Variants in MCHR2 observed in about 807,000 individuals in gnomAD.
MCHR2 encodes melanin-concentrating hormone receptor 2.
In MCHR2, 15 loss-of-function variants were observed where a neutral mutation model predicts 24.8. The ratio of observed to expected loss-of-function variants is 0.60; its 90% confidence interval spans 0.40 to 0.93. The LOEUF (loss-of-function observed/expected upper bound fraction) is 0.93, where lower values mean the gene tolerates loss of function less well. MCHR2 is among the 40% of genes least tolerant of loss of function. MCHR2 has a pLI of 0.00. For missense variants in MCHR2, 386 were observed against 408.7 expected (o/e 0.94, Z 0.48); for synonymous variants, 151 against 147.6 (o/e 1.02, Z -0.17).
At chr6:99,973,141 C>A (rs1231537454) in intron 1 of MCHR2, among the ~76,000 whole-genome samples, 4 of 151,794 alleles carry the variant, frequency 2.6e-5, no homozygotes, top group African/African-American at 4.8e-5. Context: ...TCTCGTTGAT[C>A]TGTCTAATGT....
At chr6:99,987,453 C>A (rs767168001) in intron 1 of MCHR2, among the ~76,000 whole-genome samples, 3 of 152,142 alleles carry the variant, frequency 2.0e-5, no homozygotes, top group Non-Finnish European at 1.5e-5. Flanking sequence ...AATCCCCACC[C>A]TTGCTTTAGG....
intron 1 of MCHR2, among the ~76,000 whole-genome samples, chr6:99,986,600 A>G (rs1002648893): frequency 8.5e-5 from 13 of 152,316 alleles, no homozygotes; most frequent in African/African-American, 2.6e-4. Flanking sequence ...ATTCTCACTT[A>G]TAAGTGGGAG....
chr6:99,938,359 C>T (rs2114514236), intron 4 of MCHR2, among the ~76,000 whole-genome samples: 1 of 152,012 alleles, frequency 6.6e-6, no homozygotes, highest in African/African-American at 2.4e-5. Flanking sequence ...GTTAGTACTG[C>T]TTCTGCTATA....
chr6:99,976,302 T>C (rs1268679674), intron 1 of MCHR2, among the ~76,000 whole-genome samples: 1 of 152,228 alleles, frequency 6.6e-6, no homozygotes, highest in Non-Finnish European at 1.5e-5. Flanking sequence ...TCAGAATCTA[T>C]AGCCTTAGGA....
At chr6:99,923,164 CT>C (rs968317747) in intron 5 of MCHR2, among the ~76,000 whole-genome samples, 2 of 151,874 alleles carry the variant, frequency 1.3e-5, no homozygotes, top group African/African-American at 2.4e-5. Flanking sequence ...AATGGGCTTA[CT>C]TTTTTATTTC....
chr6:99,956,260 C>T (rs1052677221), intron 1 of MCHR2, 86 bp from the exon 2 acceptor site: 15 of 1,004,032 alleles, frequency 1.5e-5, no homozygotes, highest in Admixed American at 2.7e-5. Context: ...TTTTTTGGAA[C>T]CTCTTTTTTA....
intron 1 of MCHR2, among the ~76,000 whole-genome samples, chr6:99,967,126 A>G (rs1775309251): frequency 6.6e-6 from 1 of 151,822 alleles, no homozygotes. Context: ...GGTCTTAAAC[A>G]GTTAAGTCTT....
Position 99,938,337 on chromosome 6 carries a change from G to A in MCHR2, c.588-3820C>T, listed in dbSNP as rs888738792. 8.6e-5 allele frequency among the ~76,000 whole-genome samples: 13 copies of A among 151,942 alleles called. 1 individual carries two copies. The East Asian group carries it at 2.3e-3, about 27-fold the overall frequency. On this transcript the variant is annotated intron_variant, in intron 4 of 5. Transcript: ENST00000281806. ...TTTTTTGATATAGGCATTTATAACTGTAAAATTCCTTGTTAGTACTGCTTC... is the reference window on the plus strand; with the variant it reads ...TTTTTTGATATAGGCATTTATAACTATAAAATTCCTTGTTAGTACTGCTTC...
intron 1 of MCHR2, among the ~76,000 whole-genome samples, chr6:99,980,662 C>T (rs7746181): frequency 1.3e-5 from 2 of 151,984 alleles, no homozygotes; most frequent in South Asian, 2.1e-4. Context: ...ACCTTTCCAA[C>T]GACTAGATAC....
rs1774192769 is a variant in MCHR2 at position 99,920,080 on chromosome 6, T to C, written c.*860A>G. 1 of 152,206 alleles carries C rather than the reference T, an allele frequency of 6.6e-6. No individual in the cohort carries two copies. The highest frequency in any genetic ancestry group is 1.5e-5 in the Non-Finnish European group (1 of 68,036). The allele number at this position is 152,206 out of a possible 1,614,324, so 9.4% of individuals were successfully genotyped here. ...CAGAAGTAAAGTATTATTATTAAAG[T>C]GCAGATGCCAGTTTCTACAGTTAGC... On this transcript the variant is annotated 3_prime_UTR_variant, in exon 6 of 6. Transcript: ENST00000281806.
intron 1 of MCHR2, among the ~76,000 whole-genome samples, chr6:99,977,915 C>A (rs1775584048): frequency 6.6e-6 from 1 of 152,128 alleles, no homozygotes; most frequent in African/African-American, 2.4e-5. Context: ...CAATCTTGGA[C>A]CATATCACTG....
At chr6:99,972,419 AT>A (rs1245220413) in intron 1 of MCHR2, among the ~76,000 whole-genome samples, 1 of 151,988 alleles carries the variant, frequency 6.6e-6, no homozygotes, top group African/African-American at 2.4e-5. Context: ...CCCCTTTATC[AT>A]TTTTTATTGC....
intron 1 of MCHR2, among the ~76,000 whole-genome samples, chr6:99,961,146 T>G (rs9389909): frequency 0.33 from 50,102 of 150,634 alleles, 8,693 homozygotes; most frequent in Admixed American, 0.43. Flanking sequence ...AACAACCCCA[T>G]CAAAAAGTGG....
rs567501256 is a variant in MCHR2 at position 99,942,383 on chromosome 6, C to T, written c.587+566G>A. Among the ~76,000 whole-genome samples the T allele has an allele frequency of 4.5e-4, 68 of 152,296 alleles. 1 individual carries two copies. The highest frequency in any genetic ancestry group is 3.4e-3 in the Middle Eastern group (1 of 294). ...ACTCCAATCTCCGCCTCTGTCTTCA[C>T]CTGTATTCTCTTTTCTGTGTGTCTC... On this transcript the variant is annotated intron_variant, in intron 4 of 5. Coordinates refer to ENST00000281806, the MANE Select transcript of MCHR2 (RefSeq NM_001040179.2).
At chr6:99,937,632 A>C (rs921203899) in intron 4 of MCHR2, among the ~76,000 whole-genome samples, 1 of 151,772 alleles carries the variant, frequency 6.6e-6, no homozygotes, top group Non-Finnish European at 1.5e-5. Context: ...GGATTTTTGC[A>C]TCTATGCTCA....
intron 5 of MCHR2, among the ~76,000 whole-genome samples, chr6:99,926,297 G>GAAACA (rs1774356462): frequency 6.6e-6 from 1 of 152,008 alleles, no homozygotes; most frequent in Non-Finnish European, 1.5e-5. Context: ...ATAAACATAC[G>GAAACA]TATGCATGTG....
chr6:99,939,336 T>A (rs1195865545), intron 4 of MCHR2, among the ~76,000 whole-genome samples: 3 of 152,148 alleles, frequency 2.0e-5, no homozygotes, highest in African/African-American at 7.2e-5. Context: ...TTTTTATTTT[T>A]AAAATCTATT....
chr6:99,957,719 C>A (rs1243880196), intron 1 of MCHR2, among the ~76,000 whole-genome samples: 1 of 150,482 alleles, frequency 6.6e-6, no homozygotes, highest in Non-Finnish European at 1.5e-5. Context: ...TTCTACAAAC[C>A]ATTAGAAAAA....
chr6:99,936,953 T>A (rs1774674047), intron 4 of MCHR2, among the ~76,000 whole-genome samples: 1 of 151,946 alleles, frequency 6.6e-6, no homozygotes, highest in Non-Finnish European at 1.5e-5. Flanking sequence ...ATACTAGGTA[T>A]TTTATATTCT....
Sources: allele counts gnomAD v4.1 joint callset (sites outside exome capture counted in the v4.1 genomes callset), GRCh38; gene constraint gnomAD v4.1.1; transcripts MANE v1.5; gene names NCBI Gene and HGNC (gene_info 2026-07-23, HGNC 2026-07-21).